LAMA2: variants seen among roughly 807,000 people sequenced by gnomAD.
The protein encoded by LAMA2 is laminin subunit alpha-2.
A neutral mutation model predicts 364.8 loss-of-function variants in LAMA2; 269 were observed. That is an observed-to-expected ratio of 0.74 (90% CI 0.67 to 0.82). The LOEUF is 0.82. Ranked by LOEUF, LAMA2 falls within the 40% of genes least tolerant of loss-of-function variation. The pLI, the probability that LAMA2 is intolerant of heterozygous loss-of-function variation, is 0.00. For missense variants in LAMA2, 3,807 were observed against 3,873.2 expected, an observed-to-expected ratio of 0.98 and a Z score of 0.45; for synonymous variants, 1,379 against 1,370.6, an observed-to-expected ratio of 1.01 and a Z score of -0.14.
intron 3 of LAMA2, among the ~76,000 whole-genome samples, chr6:129,092,795 TAGAG>T (rs201626587): frequency 0.016 from 2,377 of 152,244 alleles, 70 homozygotes; most frequent in African/African-American, 0.054. Context: ...TTGTCTTCCA[TAGAG>T]AGTGACCTTC....
At chr6:129,371,570 G>C (rs1778080240) in intron 34 of LAMA2, among the ~76,000 whole-genome samples, 3 of 150,696 alleles carry the variant, frequency 2.0e-5, no homozygotes, top group African/African-American at 7.3e-5. Context: ...GCTTAGTATA[G>C]TCTAATGATC....
At chr6:129,082,749 C>T (rs976858054) in intron 3 of LAMA2, among the ~76,000 whole-genome samples, 3 of 152,038 alleles carry the variant, frequency 2.0e-5, no homozygotes, top group African/African-American at 7.2e-5. Context: ...CAACTTTATT[C>T]GTGAACTACA....
chr6:129,291,047 A>G (rs184561865), intron 19 of LAMA2, among the ~76,000 whole-genome samples: 10 of 152,356 alleles, frequency 6.6e-5, no homozygotes, highest in South Asian at 6.2e-4. Context: ...TTAAATCAAA[A>G]AAACTAACTA....
At chr6:129,196,170 G>T (rs1468372322) in intron 12 of LAMA2, among the ~76,000 whole-genome samples, 1 of 152,196 alleles carries the variant, frequency 6.6e-6, no homozygotes, top group Non-Finnish European at 1.5e-5. Context: ...TAGTTGCCAA[G>T]AATACCTATA....
chr6:129,185,507 A>G (rs1444329680), intron 10 of LAMA2, among the ~76,000 whole-genome samples: 1 of 151,914 alleles, frequency 6.6e-6, no homozygotes, highest in African/African-American at 2.4e-5. Flanking sequence ...ATAGATGTCT[A>G]AAGCACACAT....
chr6:128,935,156 C>T (rs553982022), intron 1 of LAMA2, among the ~76,000 whole-genome samples: 61 of 151,958 alleles, frequency 4.0e-4, no homozygotes, highest in South Asian at 2.7e-3. Context: ...GTTGGTTTGC[C>T]GCACCCGTCA....
intron 1 of LAMA2, among the ~76,000 whole-genome samples, chr6:128,938,727 T>G (rs1222981852): frequency 6.6e-6 from 1 of 152,182 alleles, no homozygotes; most frequent in Non-Finnish European, 1.5e-5. Context: ...GACATCAGTT[T>G]GTAATCAGAA....
chr6:129,040,764 T>C (rs2114753874), intron 1 of LAMA2, among the ~76,000 whole-genome samples: 1 of 152,332 alleles, frequency 6.6e-6, no homozygotes, highest in Admixed American at 6.5e-5. Flanking sequence ...ATTGAGGAGA[T>C]CTGCAGAAGT....
At chr6:129,452,916 G>A (rs1782755233) in intron 45 of LAMA2, 72 bp from the exon 46 acceptor site, 2 of 1,310,586 alleles carry the variant, frequency 1.5e-6, no homozygotes, top group Non-Finnish European at 2.2e-6. Context: ...ATGGCTTTGT[G>A]GTTGTATGGA....
rs1017034642 is a variant in LAMA2, at chr6:129,424,406, CA to C, written c.5866-3334del. Reference sequence around the variant, plus strand: ...ATCAAAATTGAGAACTTCTTCCCTTCAAAAAAAAAAAAGCACTTTTAAGAAA... The same window carrying C: ...ATCAAAATTGAGAACTTCTTCCCTTCAAAAAAAAAAAGCACTTTTAAGAAA... On this transcript the variant is annotated intron_variant, in intron 40 of 64. Transcript: ENST00000421865. 2.3e-3 allele frequency among the ~76,000 whole-genome samples: 298 copies of C among 131,590 alleles called. 1 individual carries two copies. The highest frequency in any genetic ancestry group is 7.8e-3 in the Middle Eastern group (2 of 256). 86.3% of individuals were successfully genotyped at this position (131,590 alleles called of 152,430 possible). A position where few individuals can be genotyped will look rare whatever the true frequency, so the allele number is the denominator to read the frequency against.
chr6:129,085,543 A>G (rs1427472842), intron 3 of LAMA2, among the ~76,000 whole-genome samples: 1 of 152,214 alleles, frequency 6.6e-6, no homozygotes, highest in Non-Finnish European at 1.5e-5. Flanking sequence ...GTTTTTAAAA[A>G]AGGACTTTTA....
At chr6:128,911,864 G>A (rs1024589981) in intron 1 of LAMA2, among the ~76,000 whole-genome samples, 8 of 151,956 alleles carry the variant, frequency 5.3e-5, no homozygotes, top group Non-Finnish European at 1.2e-4. Flanking sequence ...AGTTTCATCT[G>A]TCTTAGAATT....
intron 1 of LAMA2, among the ~76,000 whole-genome samples, chr6:129,037,722 T>C (rs369805884): frequency 6.7e-6 from 1 of 150,302 alleles, no homozygotes; most frequent in African/African-American, 2.5e-5. Context: ...CTGGATGGAG[T>C]GCAGTGGCGC....
intron 3 of LAMA2, among the ~76,000 whole-genome samples, chr6:129,081,983 G>C (rs911622824): frequency 4.6e-5 from 7 of 151,838 alleles, no homozygotes; most frequent in African/African-American, 1.7e-4. Flanking sequence ...CAAATATCTG[G>C]GTTTTTAAAT....
At chr6:129,096,198 A>C (rs1775177925) in intron 3 of LAMA2, among the ~76,000 whole-genome samples, 1 of 152,224 alleles carries the variant, frequency 6.6e-6, no homozygotes, top group Admixed American at 6.5e-5. Flanking sequence ...TTCCTTATGA[A>C]TAATACCTAA....
In LAMA2 at chr6:129,160,396, C is replaced by A. The variant is rs540570301; in HGVS notation, c.1207-5180C>A. Among the ~76,000 whole-genome samples, 8 of 152,072 alleles carry A rather than the reference C, an allele frequency of 5.3e-5. No individual in the cohort carries two copies. In the South Asian group the frequency reaches 1.7e-3, roughly 32 times the overall value. Reference sequence around the variant, plus strand: ...TGGCAATTGGCAGTTTTAAAAATTGCCTTATTATCTTCTTGAAGTCTATAG... The same window carrying A: ...TGGCAATTGGCAGTTTTAAAAATTGACTTATTATCTTCTTGAAGTCTATAG... On this transcript the variant is annotated intron_variant, in intron 8 of 64. Coordinates refer to ENST00000421865, the MANE Select transcript of LAMA2 (RefSeq NM_000426.4).
intron 40 of LAMA2, among the ~76,000 whole-genome samples, chr6:129,423,458 G>C (rs1445813480): frequency 6.6e-6 from 1 of 152,080 alleles, no homozygotes; most frequent in Non-Finnish European, 1.5e-5. Flanking sequence ...AGGAGGCTGA[G>C]GCAGGTGGAT....
Position 129,280,071 on chromosome 6 carries a change from A to G in LAMA2, c.2461A>G (p.Thr821Ala), listed in dbSNP as rs186538779. 17 of 1,612,470 alleles carry G rather than the reference A, an allele frequency of 1.1e-5. No individual in the cohort carries two copies. The highest frequency in any genetic ancestry group is 1.2e-5 in the Non-Finnish European group (14 of 1,178,680). ...ACAACATCAACATAGCTTTAGCCCA[A>G]CGTGCCATTTAGACCGGAGTCTTGG... ...LNIPSNNFSP[T>A]CHLDRSLGLI... The change falls in exon 18 of 65, where the codon ACG becomes GCG. Residue 821 changes from threonine (T) to alanine (A), a missense_variant. Coordinates refer to ENST00000421865, the MANE Select transcript of LAMA2 (RefSeq NM_000426.4).
At chr6:128,910,967 A>G (rs1449870997) in intron 1 of LAMA2, among the ~76,000 whole-genome samples, 3 of 150,988 alleles carry the variant, frequency 2.0e-5, no homozygotes, top group African/African-American at 4.9e-5. Flanking sequence ...GGGGTCAGGG[A>G]CCCACTTGAG....
Sources: allele counts gnomAD v4.1 joint callset (sites outside exome capture counted in the v4.1 genomes callset), GRCh38; gene constraint gnomAD v4.1.1; transcripts MANE v1.5; gene names NCBI Gene and HGNC (gene_info 2026-07-23, HGNC 2026-07-21).